Variants in MAMLD1 observed in about 807,000 individuals in gnomAD.
The protein encoded by MAMLD1 is mastermind-like domain-containing protein 1.
A neutral mutation model predicts 45.0 loss-of-function variants in MAMLD1; 14 were observed. That is an observed-to-expected ratio of 0.31 (90% CI 0.21 to 0.49). MAMLD1 has a LOEUF of 0.49. Ranked by LOEUF, MAMLD1 falls within the 20% of genes least tolerant of loss-of-function variation. The probability of loss-of-function intolerance (pLI) is 0.99; values close to 1 mark genes in which losing one functional copy is unlikely to be tolerated. For missense variants in MAMLD1, 543 were observed against 603.6 expected (o/e 0.90, Z 1.05); for synonymous variants, 254 against 247.8 (o/e 1.02, Z -0.24).
intron 1 of MAMLD1, among the ~76,000 whole-genome samples, chrX:150,398,337 A>AGAAGAGGAG (rs2033589782): frequency 1.9e-5 from 1 of 52,296 alleles, no homozygotes. Context: ...AAGAAGAAGA[A>AGAAGAGGAG]GAAGAGGAAG....
chrX:150,412,540 A>C (rs1161427145), intron 1 of MAMLD1, among the ~76,000 whole-genome samples: 4 of 110,918 alleles, frequency 3.6e-5, no homozygotes, highest in East Asian at 2.8e-4. Context: ...TCTCACTGGC[A>C]TCTCAAGCTC....
At chrX:150,362,130 C>A (rs1335989530), upstream of MAMLD1, among the ~76,000 whole-genome samples, 2 of 112,280 alleles carry the variant, frequency 1.8e-5, no homozygotes, top group South Asian at 3.7e-4. Context: ...GCCGCCACAG[C>A]GGGTCTGTTT....
intron 5 of MAMLD1, among the ~76,000 whole-genome samples, chrX:150,479,761 G>A (rs1361079493): frequency 1.8e-5 from 2 of 111,808 alleles, no homozygotes; most frequent in African/African-American, 3.3e-5. Context: ...CCAGTTTTGC[G>A]CACACAACAA....
chrX:150,373,076 C>G (rs1010055474), intron 1 of MAMLD1, among the ~76,000 whole-genome samples: 4 of 111,923 alleles, frequency 3.6e-5, no homozygotes, highest in African/African-American at 1.3e-4. Flanking sequence ...TGGGGCCAAA[C>G]CTGTTCTGAG....
chrX:150,501,291 A>G, intron 5 of MAMLD1, among the ~76,000 whole-genome samples: 1 of 112,485 alleles, frequency 8.9e-6, no homozygotes, highest in Non-Finnish European at 1.9e-5. Context: ...TAATATTTGC[A>G]TATTGAGGTC....
chrX:150,375,224 C>G (rs2032250451), intron 1 of MAMLD1, among the ~76,000 whole-genome samples: 1 of 111,904 alleles, frequency 8.9e-6, no homozygotes, highest in South Asian at 3.8e-4. Context: ...CATGACAAGT[C>G]ATGAAGACAT....
chrX:150,477,587 G>A (rs1239143543), intron 5 of MAMLD1, among the ~76,000 whole-genome samples: 1 of 111,982 alleles, frequency 8.9e-6, no homozygotes, highest in African/African-American at 3.2e-5. Flanking sequence ...AGGAAGTAGA[G>A]CCGCCAAGCC....
intron 1 of MAMLD1, among the ~76,000 whole-genome samples, chrX:150,440,932 A>G (rs964322630): frequency 1.2e-3 from 121 of 104,555 alleles, no homozygotes; most frequent in African/African-American, 3.9e-3. Flanking sequence ...TAAATATAAT[A>G]TTATTATTTA....
At chrX:150,431,152 C>G (rs782725575) in intron 1 of MAMLD1, among the ~76,000 whole-genome samples, 15 of 111,853 alleles carry the variant, frequency 1.3e-4, no homozygotes, top group African/African-American at 4.9e-4. Context: ...ACGTCCTGTA[C>G]ATGTTTTCCT....
chrX:150,382,908 A>ATTTTTT (rs1255672915), intron 1 of MAMLD1, among the ~76,000 whole-genome samples: 1 of 23,062 alleles, frequency 4.3e-5, no homozygotes, highest in Non-Finnish European at 6.7e-5. Flanking sequence ...TTTATTTTTT[A>ATTTTTT]TTTTTTTTTT....
chrX:150,390,175 C>G (rs1318810958), intron 1 of MAMLD1, among the ~76,000 whole-genome samples: 1 of 111,683 alleles, frequency 9.0e-6, no homozygotes, highest in Non-Finnish European at 1.9e-5. Flanking sequence ...AAGTGATCCT[C>G]CCACCTCAGT....
intron 1 of MAMLD1, among the ~76,000 whole-genome samples, chrX:150,417,126 C>T (rs1174507041): frequency 3.6e-5 from 4 of 110,784 alleles, no homozygotes; most frequent in Non-Finnish European, 7.5e-5. Context: ...CGTCATCTAG[C>T]ATGAGGTATA....
intron 6 of MAMLD1, among the ~76,000 whole-genome samples, chrX:150,507,699 T>C (rs1557408903): frequency 8.9e-6 from 1 of 112,369 alleles, no homozygotes; most frequent in African/African-American, 3.2e-5. Flanking sequence ...CTCTGGAATG[T>C]GTGCTTCCCG....
At chrX:150,454,216 C>T (rs782615184) in intron 2 of MAMLD1, among the ~76,000 whole-genome samples, 7 of 112,336 alleles carry the variant, frequency 6.2e-5, no homozygotes, top group South Asian at 3.7e-4. Context: ...TAAACATGTT[C>T]TTGCCTCTTT....
At chrX:150,390,777 A>G (rs1211968993) in intron 1 of MAMLD1, among the ~76,000 whole-genome samples, 1 of 112,347 alleles carries the variant, frequency 8.9e-6, no homozygotes, top group Non-Finnish European at 1.9e-5. Flanking sequence ...TTCTTTATGT[A>G]GTTTCAAGCC....
intron 1 of MAMLD1, among the ~76,000 whole-genome samples, chrX:150,372,788 A>G (rs1304077965): frequency 2.7e-5 from 3 of 112,408 alleles, no homozygotes; most frequent in East Asian, 5.6e-4. Context: ...GCCATGGGGT[A>G]AAGAGCATTA....
intron 5 of MAMLD1, among the ~76,000 whole-genome samples, chrX:150,499,287 C>A (rs1420966308): frequency 8.9e-6 from 1 of 112,093 alleles, no homozygotes; most frequent in Non-Finnish European, 1.9e-5. Context: ...AGTCAAGAAA[C>A]CTACAAGCTC....
At chrX:150,471,552 T>C (rs2036432001) in intron 4 of MAMLD1, 62 bp downstream of exon 4, 1 of 1,208,836 alleles carries the variant, frequency 8.3e-7, no homozygotes, top group South Asian at 1.8e-5. Context: ...GTGTTTCATG[T>C]TGCCAATATC....
intron 1 of MAMLD1, among the ~76,000 whole-genome samples, chrX:150,425,533 C>T (rs1269672202): frequency 8.9e-6 from 1 of 112,226 alleles, no homozygotes; most frequent in Non-Finnish European, 1.9e-5. Flanking sequence ...TTATGCATTG[C>T]TAAGCTCACT....
Sources: gnomAD v4.1 joint callset for allele counts (sites outside exome capture counted in the v4.1 genomes callset) on GRCh38, gnomAD v4.1.1 for gene constraint, MANE v1.5 for transcripts, NCBI Gene and HGNC (gene_info 2026-07-23, HGNC 2026-07-21) for gene names.